PRKD1: variants seen among roughly 807,000 people sequenced by gnomAD.
The protein encoded by PRKD1 is protein kinase D1.
In PRKD1, 63 loss-of-function variants were observed where a neutral mutation model predicts 95.9. The observed-to-expected ratio is 0.66, with a 90% CI of 0.54 to 0.81. PRKD1 has a LOEUF of 0.81. Among genes scored for constraint, PRKD1 ranks in the 30% least tolerant of loss-of-function variants. PRKD1 has a pLI of 0.00. For missense variants in PRKD1, 1,048 were observed against 1,165.3 expected (o/e 0.90, Z 1.47); for synonymous variants, 425 against 423.1 (o/e 1.00, Z -0.05).
chr14:29,582,478 C>T (rs74042665), intron 16 of PRKD1, among the ~76,000 whole-genome samples: 1 of 152,006 alleles, frequency 6.6e-6, no homozygotes, highest in Non-Finnish European at 1.5e-5. Context: ...TAAAAATTAC[C>T]ACGGCTCTAA....
chr14:29,821,655 A>G (rs1274925555), intron 1 of PRKD1, among the ~76,000 whole-genome samples: 2 of 152,240 alleles, frequency 1.3e-5, no homozygotes, highest in Non-Finnish European at 1.5e-5. Context: ...CTTATAAAGC[A>G]ACATAAAGGA....
At chr14:29,766,399 CA>C (rs1467196657) in intron 1 of PRKD1, among the ~76,000 whole-genome samples, 5 of 152,232 alleles carry the variant, frequency 3.3e-5, no homozygotes, top group Admixed American at 3.3e-4. Context: ...AATAGGATAT[CA>C]CAGGACGACA....
chr14:29,920,574 G>C (rs1346418643), intron 1 of PRKD1, among the ~76,000 whole-genome samples: 2 of 142,304 alleles, frequency 1.4e-5, no homozygotes, highest in African/African-American at 2.9e-5. Context: ...CTTATTCAAT[G>C]ATTCCAGTCT....
chr14:29,737,625 G>T (rs1264276848), intron 1 of PRKD1, among the ~76,000 whole-genome samples: 3 of 152,090 alleles, frequency 2.0e-5, no homozygotes, highest in African/African-American at 7.2e-5. Context: ...TGTGTCCCAG[G>T]AGTAGGTGGA....
At chr14:29,838,972 A>G (rs972658043) in intron 1 of PRKD1, among the ~76,000 whole-genome samples, 1 of 152,214 alleles carries the variant, frequency 6.6e-6, no homozygotes, top group African/African-American at 2.4e-5. Context: ...GCTTTATGGA[A>G]AAACTTAGGG....
At chr14:29,598,568 G>A (rs1016976851) in intron 15 of PRKD1, among the ~76,000 whole-genome samples, 3 of 152,146 alleles carry the variant, frequency 2.0e-5, no homozygotes, top group South Asian at 2.1e-4. Flanking sequence ...TATATAGGCA[G>A]GACCGGAAGG....
chr14:29,703,539 A>C (rs1440818460), intron 2 of PRKD1, among the ~76,000 whole-genome samples: 1 of 152,210 alleles, frequency 6.6e-6, no homozygotes, highest in Admixed American at 6.5e-5. Flanking sequence ...AGAAATAACA[A>C]ATTTAGAAGG....
At chr14:29,584,418 C>T (rs1351663132) in intron 16 of PRKD1, among the ~76,000 whole-genome samples, 1 of 152,116 alleles carries the variant, frequency 6.6e-6, no homozygotes, top group African/African-American at 2.4e-5. Flanking sequence ...CCAGGTCACA[C>T]CTTTCAATCA....
intron 1 of PRKD1, among the ~76,000 whole-genome samples, chr14:29,891,220 T>G (rs1054010483): frequency 2.6e-5 from 4 of 152,214 alleles, no homozygotes; most frequent in Non-Finnish European, 5.9e-5. Flanking sequence ...TTCACTGATG[T>G]GGCAGAGGTA....
rs562508340 is a variant in PRKD1, at chr14:29,898,023, G to A, written c.264+29226C>T. ...AAATAAGTTAAAAATTAAAAACAAC[G>A]CATCCTAAAAATTACAAATTGTTTA... On this transcript the variant is annotated intron_variant, in intron 1 of 17. Transcript: ENST00000331968. Among the ~76,000 whole-genome samples, 285 of 151,916 alleles carry A rather than the reference G, an allele frequency of 1.9e-3. 2 individuals are homozygous for A. Among genetic ancestry groups the A allele is most frequent in the African/African-American group, 6.3e-3 (260 of 41,470 alleles).
At chr14:29,645,387 T>C (rs1881060141) in intron 4 of PRKD1, among the ~76,000 whole-genome samples, 1 of 152,164 alleles carries the variant, frequency 6.6e-6, no homozygotes, top group Admixed American at 6.5e-5. Context: ...TGCATAAACA[T>C]CACTCAGTTG....
intron 1 of PRKD1, among the ~76,000 whole-genome samples, chr14:29,885,095 C>T (rs112513716): frequency 3.3e-5 from 5 of 150,298 alleles, no homozygotes; most frequent in Admixed American, 1.3e-4. Context: ...TGCACTCCCC[C>T]CTGGGCAACA....
chr14:29,581,893 T>C (rs1353869615), intron 16 of PRKD1, among the ~76,000 whole-genome samples: 3 of 152,178 alleles, frequency 2.0e-5, no homozygotes, highest in African/African-American at 7.2e-5. Flanking sequence ...TCTGACTCTA[T>C]CACAAAACAC....
At chr14:29,669,662 G>A (rs1026688242) in intron 2 of PRKD1, among the ~76,000 whole-genome samples, 1 of 152,230 alleles carries the variant, frequency 6.6e-6, no homozygotes, top group African/African-American at 2.4e-5. Flanking sequence ...GAGGTCAGAA[G>A]TTTGAGACCA....
At chr14:29,617,550 G>C (rs549322777) in intron 13 of PRKD1, among the ~76,000 whole-genome samples, 1 of 152,202 alleles carries the variant, frequency 6.6e-6, no homozygotes, top group East Asian at 1.9e-4. Context: ...AGGAGCTCTA[G>C]TATTGTTCTA....
Position 29,634,536 on chromosome 14 carries a change from G to A in PRKD1, c.1196C>T (p.Ser399Leu). Reference sequence around the variant, plus strand: ...CATGAGTGGGATATTGTTGCTTGTTGATGGACTTGAGAAGTCAAAATATTG... The same window carrying A: ...CATGAGTGGGATATTGTTGCTTGTTAATGGACTTGAGAAGTCAAAATATTG... Reference protein sequence around the residue: ...HEDANRTISPSTSNNIPLMRV... With the variant: ...HEDANRTISPLTSNNIPLMRV... The change falls in exon 8 of 18, where the codon TCA (serine) becomes TTA (leucine). Residue 399 changes from serine (S) to leucine (L), a missense_variant. By Grantham distance (145) the Ser-to-Leu change is moderately radical. Around this residue, in one of 3 missense-constraint regions of PRKD1, gnomAD observed 739 missense variants for 861.9 expected, o/e 0.86. Coordinates refer to ENST00000331968, the MANE Select transcript of PRKD1 (RefSeq NM_002742.3). The A allele has an allele frequency of 6.2e-7, 1 of 1,613,938 alleles. No individual in the cohort carries two copies. The highest frequency in any genetic ancestry group is 8.5e-7 in the Non-Finnish European group (1 of 1,179,894).
At chr14:29,760,517 G>A (rs1266647269) in intron 1 of PRKD1, among the ~76,000 whole-genome samples, 5 of 151,658 alleles carry the variant, frequency 3.3e-5, no homozygotes, top group African/African-American at 4.8e-5. Flanking sequence ...TACCACCCTC[G>A]GCTAATTTTG....
At chr14:29,732,164 C>T (rs751931349) in intron 1 of PRKD1, among the ~76,000 whole-genome samples, 1 of 152,070 alleles carries the variant, frequency 6.6e-6, no homozygotes, top group Non-Finnish European at 1.5e-5. Flanking sequence ...TGAGTCACTG[C>T]GCTGGACCAA....
intron 1 of PRKD1, among the ~76,000 whole-genome samples, chr14:29,856,475 A>C (rs2139349601): frequency 6.6e-6 from 1 of 152,354 alleles, no homozygotes; most frequent in Non-Finnish European, 1.5e-5. Context: ...AGGGGATAAA[A>C]GTAAACAATC....
Sources: gnomAD v4.1 joint callset for allele counts (sites outside exome capture counted in the v4.1 genomes callset) on GRCh38, gnomAD v4.1.1 for gene constraint, gnomAD v4.1.1 regional missense constraint, MANE v1.5 for transcripts, NCBI Gene and HGNC (gene_info 2026-07-23, HGNC 2026-07-21) for gene names.